Variants in SLC10A2 observed in about 807,000 individuals in gnomAD.
SLC10A2 encodes ileal sodium/bile acid cotransporter.
Under a neutral mutation model 27.1 loss-of-function variants are expected in SLC10A2, and 34 were observed. That is an observed-to-expected ratio of 1.26 (90% confidence interval 0.96 to 1.67). SLC10A2 has a LOEUF of 1.67. Ranked by LOEUF, SLC10A2 falls within the 40% of genes most tolerant of loss-of-function variation. The pLI is 0.00. For synonymous variants in SLC10A2, 205 were observed against 174.0 expected, an observed-to-expected ratio of 1.18 and a Z score of -1.40; for missense variants, 530 against 444.4, an observed-to-expected ratio of 1.19 and a Z score of -1.73.
intron 1 of SLC10A2, among the ~76,000 whole-genome samples, chr13:103,061,976 G>A (rs934234033): frequency 8.5e-5 from 13 of 152,158 alleles, no homozygotes; most frequent in African/African-American, 2.4e-4. Flanking sequence ...ATATTAGACT[G>A]ACAGAAAAGA....
chr13:103,063,633 T>C (rs561625912), intron 1 of SLC10A2, among the ~76,000 whole-genome samples: 3 of 152,248 alleles, frequency 2.0e-5, no homozygotes, highest in Non-Finnish European at 4.4e-5. Context: ...TAAAGAAATA[T>C]TGGAATATTG....
chr13:103,061,436 G>A (rs1282840083), intron 1 of SLC10A2, among the ~76,000 whole-genome samples: 1 of 151,486 alleles, frequency 6.6e-6, no homozygotes, highest in Non-Finnish European at 1.5e-5. Flanking sequence ...TTTTTCTAGA[G>A]TGTGGTGGGA....
Position 103,058,378 on chromosome 13 carries a change from T to C in SLC10A2, c.382A>G (p.Ser128Gly). ...AGCAGTGTGGAGCATGTGGTCATGC[T>C]GACGCTGAAAGGCAATGGGCAGATT... ...WVDGDMDLSVSMTTCSTLLAL... is the reference protein window; with the variant it reads ...WVDGDMDLSVGMTTCSTLLAL... The change falls in exon 2 of 6, where the codon AGC becomes GGC. Residue 128 changes from serine to glycine, a missense_variant. Coordinates refer to ENST00000245312, the MANE Select transcript of SLC10A2 (RefSeq NM_000452.3). 2.5e-6 allele frequency: 4 copies of C among 1,607,208 alleles called. No homozygotes were observed. The South Asian group carries it at 3.3e-5, about 13-fold the overall frequency.
At chr13:103,049,808 A>C (rs1875722119) in intron 4 of SLC10A2, among the ~76,000 whole-genome samples, 1 of 152,170 alleles carries the variant, frequency 6.6e-6, no homozygotes, top group Middle Eastern at 3.4e-3. Flanking sequence ...AATGCTCAAG[A>C]TATGGTATTT....
chr13:103,065,969 G>A lies in SLC10A2; in HGVS notation c.281C>T (p.Pro94Leu), dbSNP rs139804161. The change falls in exon 1 of 6, where the codon CCG becomes CTG. Residue 94 changes from proline to leucine, a missense_variant. Pro to Leu is a moderately conservative substitution (Grantham distance 98). Transcript: ENST00000245312. ...FILSVAFDILPLQAVVVLIIG... is the reference protein window; with the variant it reads ...FILSVAFDILLLQAVVVLIIG... ...AATGAGCACCACTACGGCCTGGAGC[G>A]GGAGGATGTCAAAGGCCACCGACAG... 35 of 1,614,040 alleles carry A rather than the reference G, an allele frequency of 2.2e-5. No homozygotes were observed. The highest frequency in any genetic ancestry group is 1.3e-4 in the East Asian group (6 of 44,896).
chr13:103,050,281 T>C (rs1213876775), intron 4 of SLC10A2, among the ~76,000 whole-genome samples: 1 of 152,194 alleles, frequency 6.6e-6, no homozygotes, highest in African/African-American at 2.4e-5. Flanking sequence ...GGGCAGTGTG[T>C]GGTCGGATTG....
chr13:103,045,787 A>G lies in SLC10A2; in HGVS notation c.*346T>C, dbSNP rs1269846794. On this transcript the variant is annotated 3_prime_UTR_variant, in exon 6 of 6. Transcript: ENST00000245312. ...CAGGTTGTCATCTATGGGCTAGGAAATTCTGCATAAGAATTCAGTTTTGGT... is the reference window on the plus strand; with the variant it reads ...CAGGTTGTCATCTATGGGCTAGGAAGTTCTGCATAAGAATTCAGTTTTGGT... The G allele has an allele frequency of 5.4e-6, 1 of 184,648 alleles. No homozygotes were observed. The highest frequency in any genetic ancestry group is 2.4e-5 in the African/African-American group (1 of 42,056). 11.4% of individuals were successfully genotyped at this position (184,648 alleles called of 1,614,324 possible).
chr13:103,058,298 G>T lies in SLC10A2; in HGVS notation c.462C>A (p.Asp154Glu), dbSNP rs199645187. ...CLLIYTKMWV[D>E]SGSIVIPYDN... ...CATAGGGAATTACGATGCTCCCAGA[G>T]TCGACCCACATTTTGGTATAGATAA... Residue 154 changes from aspartate to glutamate, a missense_variant, in exon 2 of 6, where the codon GAC becomes GAA. Transcript: ENST00000245312. 2.1e-4 allele frequency: 342 copies of T among 1,611,828 alleles called. 4 individuals carry two copies. In the South Asian group the frequency reaches 3.5e-3, roughly 17 times the overall value.
chr13:103,064,792 T>C (rs986755110), intron 1 of SLC10A2, among the ~76,000 whole-genome samples: 2 of 152,016 alleles, frequency 1.3e-5, no homozygotes, highest in African/African-American at 2.4e-5. Context: ...TGTTTTCTTA[T>C]GTGAAAGACT....
At position 103,051,473 on chromosome 13, in the gene SLC10A2, C is replaced by A; in HGVS notation, c.586-41G>T. ...ATAAGTGAACCCAGCAATCATGAGT[C>A]AAAGCAAATCCAAGTATGTTTGTCA... On this transcript the variant is annotated intron_variant, in intron 3 of 5. Coordinates refer to ENST00000245312, the MANE Select transcript of SLC10A2 (RefSeq NM_000452.3). The A allele has an allele frequency of 1.9e-6, 3 of 1,603,004 alleles. No homozygotes were observed. In the South Asian group the frequency reaches 3.3e-5, roughly 18 times the overall value.
intron 2 of SLC10A2, among the ~76,000 whole-genome samples, chr13:103,053,446 G>GTTAA: frequency 6.6e-6 from 1 of 152,230 alleles, no homozygotes; most frequent in African/African-American, 2.4e-5. Flanking sequence ...ATTTCACCAT[G>GTTAA]TTAAATTTAC....
rs1243933077 is a variant in SLC10A2 at position 103,045,987 on chromosome 13, G to A, written c.*146C>T. Reference sequence around the variant, plus strand: ...AAAGAATTGGGCCACCAGTCACTTGGTACTGAAACCAATACATGAATTCCA... The same window carrying A: ...AAAGAATTGGGCCACCAGTCACTTGATACTGAAACCAATACATGAATTCCA... On this transcript the variant is annotated 3_prime_UTR_variant, in exon 6 of 6. Coordinates refer to ENST00000245312, the MANE Select transcript of SLC10A2 (RefSeq NM_000452.3). 1.2e-6 allele frequency: 1 copy of A among 867,918 alleles called. No homozygotes were observed. The highest frequency in any genetic ancestry group is 1.7e-5 in the African/African-American group (1 of 59,242). 53.8% of individuals were successfully genotyped at this position (867,918 alleles called of 1,614,324 possible). A position where few individuals can be genotyped will look rare whatever the true frequency, so the allele number is the denominator to read the frequency against.
rs1236269804 is a variant in SLC10A2 at position 103,044,842 on chromosome 13, T to A, written c.*1291A>T. The A allele has an allele frequency of 6.6e-6, 1 of 152,178 alleles. No homozygotes were observed. Among genetic ancestry groups the A allele is most frequent in the Admixed American group, 6.5e-5 (1 of 15,270 alleles). 9.4% of individuals were successfully genotyped at this position (152,178 alleles called of 1,614,324 possible). On this transcript the variant is annotated 3_prime_UTR_variant, in exon 6 of 6. Transcript: ENST00000245312. ...ATGAGGGAAAGGAAATTAAATTCGA[T>A]CTTATAATTGAAAGTCCAACACTTG...
chr13:103,063,764 ATCT>A (rs1282002304), intron 1 of SLC10A2, among the ~76,000 whole-genome samples: 2 of 152,250 alleles, frequency 1.3e-5, no homozygotes, highest in African/African-American at 4.8e-5. Context: ...ATACCGTGAC[ATCT>A]TCTTGTGTTT....
In SLC10A2 at chr13:103,052,691, G is replaced by A. The variant is rs1875821739; in HGVS notation, c.514C>T (p.Leu172Phe). ...YDNIGTSLVS[L>F]VVPVSIGMFV... ...ATTCCAATGGAAACAGGAACAACGA[G>A]AGAAACCAGAGATGTACCTAAAGAT... The change falls in exon 3 of 6, where the codon CTC (leucine) becomes TTC (phenylalanine). Residue 172 changes from leucine (L) to phenylalanine (F), a missense_variant. Physicochemically the swap from Leu to Phe is conservative, Grantham distance 22. Coordinates refer to ENST00000245312, the MANE Select transcript of SLC10A2 (RefSeq NM_000452.3). The A allele has an allele frequency of 1.2e-6, 2 of 1,606,190 alleles. No individual in the cohort carries two copies. The highest frequency in any genetic ancestry group is 1.1e-5 in the South Asian group (1 of 90,906).
Position 103,066,010 on chromosome 13 carries a change from G to A in SLC10A2, c.240C>T (p.Pro80=), listed in dbSNP as rs367558908. 17 of 1,613,974 alleles carry A rather than the reference G, an allele frequency of 1.1e-5. No homozygotes were observed. Among genetic ancestry groups the A allele is most frequent in the Non-Finnish European group, 1.3e-5 (15 of 1,179,928 alleles). The change falls in exon 1 of 6, where the codon CCC becomes CCT. Residue 80 remains proline (P), a synonymous_variant. Transcript: ENST00000245312. ...CCACCGACAGGATGAATCCTGTGAG[G>A]GGCATGATTCCAAACTGACAGAGGA... ...VGFLCQFGIM[P]LTGFILSVAF...
At position 103,045,949 on chromosome 13, in the gene SLC10A2, T is replaced by C; in HGVS notation, c.*184A>G. 1.7e-6 allele frequency: 1 copy of C among 597,522 alleles called. No individual in the cohort carries two copies. The highest frequency in any genetic ancestry group is 3.0e-6 in the Non-Finnish European group (1 of 338,638). 37.0% of individuals were successfully genotyped at this position (597,522 alleles called of 1,614,324 possible). A position where few individuals can be genotyped will look rare whatever the true frequency, so the allele number is the denominator to read the frequency against. ...ACATATACATATATATAGGAAACAATATTTGTCCCATTAAAGAATTGGGCC... is the reference window on the plus strand; with the variant it reads ...ACATATACATATATATAGGAAACAACATTTGTCCCATTAAAGAATTGGGCC... On this transcript the variant is annotated 3_prime_UTR_variant, in exon 6 of 6. Transcript: ENST00000245312.
intron 1 of SLC10A2, among the ~76,000 whole-genome samples, chr13:103,064,739 C>T (rs932214873): frequency 2.6e-4 from 19 of 73,492 alleles, no homozygotes; most frequent in African/African-American, 6.3e-4. Flanking sequence ...TTTTATAGGG[C>T]TTTCCTTAAA....
rs376820143 is a variant in SLC10A2 at position 103,066,113 on chromosome 13, A to G, written c.137T>C (p.Met46Thr). Residue 46 changes from methionine to threonine, a missense_variant, in exon 1 of 6, where the codon ATG becomes ACG. Transcript: ENST00000245312. ...TVLTILLALV[M>T]FSMGCNVEIK... Reference sequence around the variant, plus strand: ...TTCCACGTTGCATCCCATGGAGAACATCACCAAGGCCAACAGGATGGTCAG... The same window carrying G: ...TTCCACGTTGCATCCCATGGAGAACGTCACCAAGGCCAACAGGATGGTCAG... The G allele has an allele frequency of 3.1e-6, 5 of 1,614,098 alleles. No individual in the cohort carries two copies. The Middle Eastern group carries it at 6.6e-4, about 213-fold the overall frequency.
Sources: allele counts gnomAD v4.1 joint callset (sites outside exome capture counted in the v4.1 genomes callset), GRCh38; gene constraint gnomAD v4.1.1; transcripts MANE v1.5; gene names NCBI Gene and HGNC (gene_info 2026-07-23, HGNC 2026-07-21).